GSDME: variants seen among roughly 807,000 people sequenced by gnomAD.
GSDME encodes the protein gasdermin-E.
A neutral mutation model predicts 47.5 loss-of-function variants in GSDME; 44 were observed. That is an observed-to-expected ratio of 0.93 (90% CI 0.73 to 1.19). GSDME has a LOEUF of 1.19. Ranked by LOEUF, GSDME falls within the 50% of genes most tolerant of loss-of-function variation. The probability of loss-of-function intolerance (pLI) is 0.00; values close to 1 mark genes in which losing one functional copy is unlikely to be tolerated. For missense variants in GSDME, 663 were observed against 604.2 expected, an observed-to-expected ratio of 1.10 and a Z score of -1.02; for synonymous variants, 258 against 252.8, an observed-to-expected ratio of 1.02 and a Z score of -0.20.
At chr7:24,718,388 C>G (rs549613233) in intron 4 of GSDME, among the ~76,000 whole-genome samples, 60 of 152,336 alleles carry the variant, frequency 3.9e-4, no homozygotes, top group African/African-American at 1.3e-3. Flanking sequence ...GCTCACAGAT[C>G]AGCTTGGTAA....
intron 3 of GSDME, among the ~76,000 whole-genome samples, chr7:24,741,303 G>T (rs1209609910): frequency 6.6e-6 from 1 of 151,718 alleles, no homozygotes; most frequent in Non-Finnish European, 1.5e-5. Flanking sequence ...GAATAATAAT[G>T]AAAGCTTATT....
intron 2 of GSDME, among the ~76,000 whole-genome samples, chr7:24,746,422 C>T (rs1790671613): frequency 6.6e-6 from 1 of 152,210 alleles, no homozygotes. Flanking sequence ...TTAATGATAG[C>T]TACCTGACGG....
intron 3 of GSDME, among the ~76,000 whole-genome samples, chr7:24,738,568 G>A (rs892895207): frequency 2.0e-5 from 3 of 151,970 alleles, no homozygotes; most frequent in Admixed American, 6.6e-5. Flanking sequence ...ATACTTTGTA[G>A]AGATTCAATG....
chr7:24,705,720 T>G lies in GSDME; in HGVS notation c.1183+464A>C. On this transcript the variant is annotated intron_variant, in intron 8 of 9. Transcript: ENST00000645220. The surrounding 1 kb of genome is among the most constrained non-coding windows in gnomAD (Gnocchi z 4.1). ...CCTCCCAGCCTAGTACATTGGATGG[T>G]TGAATGCTCTCCACAGCCCCCTTGC... is the stretch of plus-strand genomic sequence containing the variant. 3.4e-6 allele frequency: 1 copy of G among 290,162 alleles called. No homozygotes were observed. Among genetic ancestry groups the G allele is most frequent in the East Asian group, 9.2e-5 (1 of 10,916 alleles). The allele number at this position is 290,162 out of a possible 1,614,324, so 18.0% of individuals were successfully genotyped here. A position where few individuals can be genotyped will look rare whatever the true frequency, so the allele number is the denominator to read the frequency against.
chr7:24,757,038 TG>T lies in GSDME; in HGVS notation c.-20+357del, dbSNP rs1476836023. On this transcript the variant is annotated intron_variant, in intron 1 of 9. Transcript: ENST00000645220. This position sits in a 1 kb window ranked among gnomAD's most constrained non-coding sequence, Gnocchi z 5.9. ...GATGAACGAATGGGGAGGGGGGGTT[TG>T]GGGGGTTGGGAGAACGAAAATACCA... is the stretch of plus-strand genomic sequence containing the variant. 2.1e-5 allele frequency among the ~76,000 whole-genome samples: 3 copies of T among 143,796 alleles called. No individual in the cohort carries two copies. Among genetic ancestry groups the T allele is most frequent in the Admixed American group, 6.9e-5 (1 of 14,578 alleles). The allele number at this position is 143,796 out of a possible 152,430, so 94.3% of individuals were successfully genotyped here.
At position 24,712,039 on chromosome 7, in the gene GSDME, T is replaced by C. The variant is rs1401334012; in HGVS notation, c.698-1651A>G. On this transcript the variant is annotated intron_variant, in intron 5 of 9. Transcript: ENST00000645220. The surrounding 1 kb of genome is among the most constrained non-coding windows in gnomAD (Gnocchi z 4.4). ...ATAAAAATGTGGCAGGGCCCCGTAT[T>C]TGCTGAAATGTAGAAGGCATGAGTA... 6.6e-6 allele frequency among the ~76,000 whole-genome samples: 1 copy of C among 152,220 alleles called. No homozygotes were observed. The highest frequency in any genetic ancestry group is 1.5e-5 in the Non-Finnish European group (1 of 68,040).
Position 24,741,743 on chromosome 7 carries a change from G to C in GSDME, c.404+2819C>G, listed in dbSNP as rs576951296. Among the ~76,000 whole-genome samples the C allele has an allele frequency of 4.6e-5, 7 of 152,218 alleles. No individual in the cohort carries two copies. The South Asian group carries it at 1.2e-3, about 27-fold the overall frequency. ...CCAAGGCCACGCATGTATCAACAAC[G>C]CCTTATCAATCCCAATGATGTTATG... is the stretch of plus-strand genomic sequence containing the variant. On this transcript the variant is annotated intron_variant, in intron 3 of 9. Transcript: ENST00000645220.
At chr7:24,772,465 T>C in the GSDME span, among the ~76,000 whole-genome samples, 1 of 152,250 alleles carries the variant, frequency 6.6e-6, no homozygotes, top group Non-Finnish European at 1.5e-5. This position sits in a 1 kb window ranked among gnomAD's most constrained non-coding sequence, Gnocchi z 4.5. Context: ...GTCATGCCTG[T>C]CTTTGCTCAC....
intron 5 of GSDME, among the ~76,000 whole-genome samples, chr7:24,711,461 C>T (rs1054794794): frequency 6.6e-6 from 1 of 152,048 alleles, no homozygotes; most frequent in African/African-American, 2.4e-5. Flanking sequence ...ATCCACCTAC[C>T]TCAGCCTCCC....
Position 24,748,364 on chromosome 7 carries a change from T to A in GSDME, c.211+1200A>T, listed in dbSNP as rs139502345. On this transcript the variant is annotated intron_variant, in intron 2 of 9. Transcript: ENST00000645220. The stretch of plus-strand genomic sequence containing the variant: ...TAGTAGAGATGGGGTTTCACCATGT[T>A]GGCCAGGCTGGTCTTGAACTCCTGA... Among the ~76,000 whole-genome samples, 1,011 of 151,768 alleles carry A rather than the reference T, an allele frequency of 6.7e-3. 10 individuals carry two copies. The highest frequency in any genetic ancestry group is 0.023 in the African/African-American group (967 of 41,394).
At chr7:24,765,907 A>G in the GSDME span, among the ~76,000 whole-genome samples, 3 of 152,202 alleles carry the variant, frequency 2.0e-5, no homozygotes, top group Admixed American at 6.5e-5. Context: ...GAGGCAGCCT[A>G]TAAATCTGGC....
rs144266671 is a variant in GSDME, at chr7:24,721,158, T to C, written c.405-1940A>G. 2.3e-3 allele frequency among the ~76,000 whole-genome samples: 354 copies of C among 152,190 alleles called. 1 individual carries two copies. The highest frequency in any genetic ancestry group is 8.3e-3 in the African/African-American group (345 of 41,524). On this transcript the variant is annotated intron_variant, in intron 3 of 9. Coordinates refer to ENST00000645220, the MANE Select transcript of GSDME (RefSeq NM_001127453.2). This position sits in a 1 kb window ranked among gnomAD's most constrained non-coding sequence, Gnocchi z 4.1. ...ACGAAGAAGTTCTAGAAATGCAGAG[T>C]AGAGATGACGGCACAACAGGGTGAA...
intron 1 of GSDME, 83 bp from the exon 2 acceptor site, chr7:24,749,876 T>A: frequency 1.2e-6 from 1 of 851,984 alleles, no homozygotes; most frequent in Non-Finnish European, 1.9e-6. Context: ...TATTTCTCCC[T>A]ATTCACAACA....
the GSDME span, among the ~76,000 whole-genome samples, chr7:24,779,498 GGTGTGT>G: frequency 3.9e-4 from 56 of 143,050 alleles, no homozygotes; most frequent in African/African-American, 1.2e-3. This position sits in a 1 kb window ranked among gnomAD's most constrained non-coding sequence, Gnocchi z 6.0. Context: ...AGTGATACAT[GGTGTGT>G]GTGTGTGTGT....
In GSDME at chr7:24,735,494, C is replaced by G. The variant is rs918708650; in HGVS notation, c.404+9068G>C. 6.6e-6 allele frequency among the ~76,000 whole-genome samples: 1 copy of G among 152,086 alleles called. No individual in the cohort carries two copies. The highest frequency in any genetic ancestry group is 1.5e-5 in the Non-Finnish European group (1 of 68,018). Reference sequence around the variant, plus strand: ...CTACAGGGCCGGGCACAGTGGCTCACGCCTGTAATCCCAGCAGTTTGGGAG... The same window carrying G: ...CTACAGGGCCGGGCACAGTGGCTCAGGCCTGTAATCCCAGCAGTTTGGGAG... On this transcript the variant is annotated intron_variant, in intron 3 of 9. Transcript: ENST00000645220. The surrounding 1 kb of genome is among the most constrained non-coding windows in gnomAD (Gnocchi z 4.4).
chr7:24,741,524 G>T (rs904399785), intron 3 of GSDME, among the ~76,000 whole-genome samples: 2 of 152,102 alleles, frequency 1.3e-5, no homozygotes, highest in Non-Finnish European at 2.9e-5. Context: ...CCCAGCACAG[G>T]CTTGTTTTTT....
intron 3 of GSDME, among the ~76,000 whole-genome samples, chr7:24,719,469 A>C (rs573195713): frequency 1.3e-5 from 2 of 152,306 alleles, no homozygotes; most frequent in African/African-American, 4.8e-5. Flanking sequence ...TCAGTCAAAC[A>C]GCAGCGCCGG....
At position 24,739,775 on chromosome 7, in the gene GSDME, G is replaced by T. The variant is rs1240877471; in HGVS notation, c.404+4787C>A. Among the ~76,000 whole-genome samples the T allele has an allele frequency of 6.6e-6, 1 of 152,082 alleles. No homozygotes were observed. The highest frequency in any genetic ancestry group is 2.4e-5 in the African/African-American group (1 of 41,412). On this transcript the variant is annotated intron_variant, in intron 3 of 9. Transcript: ENST00000645220. The surrounding 1 kb of genome is among the most constrained non-coding windows in gnomAD (Gnocchi z 5.1). ...GAAAATGTGGTAAATATACACGATA[G>T]AGTACTATTTAGTCATTAAAAAAAG...
chr7:24,785,396 A>C, the GSDME span, among the ~76,000 whole-genome samples: 2 of 152,200 alleles, frequency 1.3e-5, no homozygotes, highest in Admixed American at 6.5e-5. Flanking sequence ...TAATGATCAC[A>C]ATCTCTCTTT....
Sources: allele counts gnomAD v4.1 joint callset (sites outside exome capture counted in the v4.1 genomes callset), GRCh38; gene constraint gnomAD v4.1.1; non-coding constraint Gnocchi (gnomAD v3.1); transcripts MANE v1.5; gene names NCBI Gene and HGNC (gene_info 2026-07-23, HGNC 2026-07-21).